CCSER1: variants seen among roughly 807,000 people sequenced by gnomAD.
The protein encoded by CCSER1 is serine-rich coiled-coil domain-containing protein 1.
A neutral mutation model predicts 82.0 loss-of-function variants in CCSER1; 41 were observed. The ratio of observed to expected loss-of-function variants is 0.50; its 90% CI spans 0.39 to 0.65. CCSER1 has a LOEUF of 0.65. CCSER1 is among the 30% of genes least tolerant of loss of function. The pLI is 0.00. For synonymous variants in CCSER1, 414 were observed against 383.9 expected, an observed-to-expected ratio of 1.08 and a Z score of -0.92; for missense variants, 1,119 against 1,064.2, an observed-to-expected ratio of 1.05 and a Z score of -0.72.
chr4:90,428,207 C>A (rs1350702009), intron 4 of CCSER1, among the ~76,000 whole-genome samples: 1 of 151,754 alleles, frequency 6.6e-6, no homozygotes, highest in African/African-American at 2.4e-5. Context: ...TTTTATTTTC[C>A]TCCTTCTACA....
chr4:91,145,323 T>A (rs1729435495), intron 10 of CCSER1, among the ~76,000 whole-genome samples: 1 of 152,184 alleles, frequency 6.6e-6, no homozygotes. Flanking sequence ...TTCTTCTCTG[T>A]CCCTTTACTT....
chr4:90,648,348 G>A (rs562844871), intron 6 of CCSER1, among the ~76,000 whole-genome samples: 1 of 114,922 alleles, frequency 8.7e-6, no homozygotes, highest in Non-Finnish European at 2.0e-5. Context: ...AAAGAGAGTT[G>A]CCCTCAAGAA....
At chr4:90,248,561 G>T (rs1377731221) in intron 1 of CCSER1, among the ~76,000 whole-genome samples, 1 of 152,076 alleles carries the variant, frequency 6.6e-6, no homozygotes, top group African/African-American at 2.4e-5. Flanking sequence ...TAAATGTTGG[G>T]TATGCGCCAC....
chr4:91,147,291 T>C (rs765069101), intron 10 of CCSER1, among the ~76,000 whole-genome samples: 7 of 152,054 alleles, frequency 4.6e-5, no homozygotes, highest in Admixed American at 1.3e-4. Flanking sequence ...CCCAGCTCAT[T>C]CTCCCCCAAT....
rs557152497 is a variant in CCSER1 at position 91,599,075 on chromosome 4, T to C, written c.*18T>C. 6.1e-5 allele frequency: 92 copies of C among 1,512,076 alleles called. No homozygotes were observed. In the African/African-American group the frequency reaches 1.1e-3, roughly 18 times the overall value. The allele number at this position is 1,512,076 out of a possible 1,614,324, so 93.7% of individuals were successfully genotyped here. A position where few individuals can be genotyped will look rare whatever the true frequency, so the allele number is the denominator to read the frequency against. On this transcript the variant is annotated 3_prime_UTR_variant, in exon 11 of 11. Coordinates refer to ENST00000509176, the MANE Select transcript of CCSER1 (RefSeq NM_001145065.2). ...ATGGGTAATTAAATCACCGTATTCC[T>C]GTCTTTGGGTAGGATAAAGATGGTT... is the stretch of plus-strand genomic sequence containing the variant.
chr4:90,497,373 A>G (rs189310880), intron 5 of CCSER1, among the ~76,000 whole-genome samples: 55 of 152,324 alleles, frequency 3.6e-4, no homozygotes, highest in African/African-American at 1.2e-3. Flanking sequence ...ATATTATGCT[A>G]TGAAGACAAA....
At chr4:91,078,303 C>G (rs2148791153) in intron 9 of CCSER1, among the ~76,000 whole-genome samples, 1 of 152,184 alleles carries the variant, frequency 6.6e-6, no homozygotes, top group South Asian at 2.1e-4. Context: ...AGGTGATACC[C>G]AGGCAAACAG....
Position 90,476,046 on chromosome 4 carries a change from A to ATG in CCSER1, c.1724+7705_1724+7706dup, listed in dbSNP as rs1005618450. Among the ~76,000 whole-genome samples the ATG allele has an allele frequency of 2.9e-4, 29 of 100,940 alleles. No individual in the cohort carries two copies. In the East Asian group the frequency reaches 5.3e-3, roughly 19 times the overall value. The allele number at this position is 100,940 out of a possible 152,430, so 66.2% of individuals were successfully genotyped here. On this transcript the variant is annotated intron_variant, in intron 5 of 10. Transcript: ENST00000509176. ...CGTGTGTGTGTGTGTGTGTGTGTGT[A>ATG]TGTGTGTGTGTGTGGGTGTGTGTGT... is the stretch of plus-strand genomic sequence containing the variant.
intron 5 of CCSER1, among the ~76,000 whole-genome samples, chr4:90,590,954 TGTGTCCTCTCTTATTTCTTTGAACAATA>T (rs1782620364): frequency 6.6e-6 from 1 of 152,222 alleles, no homozygotes; most frequent in Non-Finnish European, 1.5e-5. Context: ...TCCATTTGTT[TGTGTCCTCTCTTATTTCTTTGAACAATA>T]GTTTGTAGTT....
chr4:91,423,819 GTC>G (rs1433782891), intron 10 of CCSER1, among the ~76,000 whole-genome samples: 1 of 152,008 alleles, frequency 6.6e-6, no homozygotes, highest in Non-Finnish European at 1.5e-5. Flanking sequence ...TGTTCACTGA[GTC>G]TCTGTATTGT....
At chr4:91,179,021 G>T (rs1400376245) in intron 10 of CCSER1, among the ~76,000 whole-genome samples, 2 of 152,306 alleles carry the variant, frequency 1.3e-5, no homozygotes, top group Non-Finnish European at 2.9e-5. Context: ...CTCAGCATTT[G>T]CTTGTCTGTA....
chr4:90,799,287 G>A (rs964527823), intron 7 of CCSER1, among the ~76,000 whole-genome samples: 1 of 152,162 alleles, frequency 6.6e-6, no homozygotes, highest in Non-Finnish European at 1.5e-5. Context: ...GCAGGGGAGA[G>A]GTTGGCTGGT....
intron 8 of CCSER1, chr4:90,838,938 T>A: frequency 1.2e-6 from 2 of 1,613,494 alleles, no homozygotes; most frequent in Non-Finnish European, 1.7e-6. Context: ...TGTTCAATCG[T>A]TTCTTTGGAA....
intron 8 of CCSER1, chr4:90,838,937 G>C (rs151072829): frequency 1.2e-5 from 20 of 1,613,290 alleles, no homozygotes; most frequent in African/African-American, 2.7e-5. Context: ...CTGTTCAATC[G>C]TTTCTTTGGA....
intron 10 of CCSER1, among the ~76,000 whole-genome samples, chr4:91,494,659 C>G (rs1258052951): frequency 6.6e-6 from 1 of 151,690 alleles, no homozygotes; most frequent in African/African-American, 2.4e-5. Flanking sequence ...CTTTTCAATG[C>G]TGAAACTTCC....
chr4:91,477,749 G>C (rs144876461), intron 10 of CCSER1, among the ~76,000 whole-genome samples: 1 of 151,678 alleles, frequency 6.6e-6, no homozygotes, highest in Non-Finnish European at 1.5e-5. Flanking sequence ...CTTTCCAAAG[G>C]TGAAAGAGAA....
At chr4:90,660,510 ATTC>A (rs1730573498) in intron 6 of CCSER1, among the ~76,000 whole-genome samples, 2 of 152,100 alleles carry the variant, frequency 1.3e-5, no homozygotes, top group Non-Finnish European at 2.9e-5. Flanking sequence ...GATATATGAT[ATTC>A]TTCAAGTTAT....
chr4:90,868,014 G>T lies in CCSER1; in HGVS notation c.2094+52169G>T, dbSNP rs573548221. The stretch of plus-strand genomic sequence containing the variant: ...ACAGTGCTGCAGTAAACATGGGAGT[G>T]CAGAGTTCTTCAATACACTTATTTT... On this transcript the variant is annotated intron_variant, in intron 8 of 10. Coordinates refer to ENST00000509176, the MANE Select transcript of CCSER1 (RefSeq NM_001145065.2). Among the ~76,000 whole-genome samples the T allele has an allele frequency of 3.3e-5, 5 of 152,072 alleles. No homozygotes were observed. The South Asian group carries it at 1.0e-3, about 32-fold the overall frequency.
At chr4:91,019,073 C>G (rs1739690921) in intron 9 of CCSER1, among the ~76,000 whole-genome samples, 12 of 151,602 alleles carry the variant, frequency 7.9e-5, no homozygotes, top group Admixed American at 7.9e-4. Flanking sequence ...AAATGAATGT[C>G]TAGAATGCTG....
Sources: allele counts gnomAD v4.1 joint callset (sites outside exome capture counted in the v4.1 genomes callset), GRCh38; gene constraint gnomAD v4.1.1; transcripts MANE v1.5; gene names NCBI Gene and HGNC (gene_info 2026-07-23, HGNC 2026-07-21).